The following CDH13 variants were observed in gnomAD, a reference collection of about 807,000 sequenced individuals.
CDH13 encodes cadherin 13.
In CDH13, 24 loss-of-function variants were observed where a neutral mutation model predicts 63.8. That is an observed-to-expected ratio of 0.38 (90% confidence interval 0.27 to 0.53). The LOEUF is 0.53. CDH13 is among the 20% of genes least tolerant of loss of function. CDH13 has a pLI of 0.85. For missense variants in CDH13, 1,049 were observed against 903.1 expected, an observed-to-expected ratio of 1.16 and a Z score of -2.07; for synonymous variants, 503 against 355.3, an observed-to-expected ratio of 1.42 and a Z score of -4.67.
chr16:82,750,258 A>C (rs2034354512), intron 1 of CDH13, among the ~76,000 whole-genome samples: 1 of 152,154 alleles, frequency 6.6e-6, no homozygotes, highest in African/African-American at 2.4e-5. Context: ...CTGAGTAAAT[A>C]AACAAGCCAC....
At chr16:82,789,560 C>G (rs142332017) in intron 1 of CDH13, among the ~76,000 whole-genome samples, 4 of 152,276 alleles carry the variant, frequency 2.6e-5, no homozygotes, top group African/African-American at 4.8e-5. Context: ...GAAATATTTT[C>G]AAAGGCCATT....
At chr16:82,629,902 C>G (rs112132518) in intron 1 of CDH13, among the ~76,000 whole-genome samples, 1 of 152,182 alleles carries the variant, frequency 6.6e-6, no homozygotes, top group Non-Finnish European at 1.5e-5. Context: ...TGTGATTCCC[C>G]TCCCTATTTG....
intron 2 of CDH13, among the ~76,000 whole-genome samples, chr16:83,011,238 C>T (rs1019908068): frequency 2.6e-5 from 4 of 152,148 alleles, no homozygotes; most frequent in Non-Finnish European, 5.9e-5. Flanking sequence ...CAGTTTCTCC[C>T]TCTATTAAGT....
At chr16:83,164,874 A>G (rs2037596914) in intron 4 of CDH13, among the ~76,000 whole-genome samples, 1 of 141,818 alleles carries the variant, frequency 7.1e-6, no homozygotes, top group Admixed American at 6.7e-5. Context: ...GCCCTCACAA[A>G]GTGGACATTA....
At chr16:83,367,823 A>G (rs1311558653) in intron 6 of CDH13, among the ~76,000 whole-genome samples, 1 of 152,246 alleles carries the variant, frequency 6.6e-6, no homozygotes, top group East Asian at 1.9e-4. Context: ...AGAGAAAGGC[A>G]GCTGGAATTT....
chr16:83,711,006 A>C (rs185918031), intron 10 of CDH13, among the ~76,000 whole-genome samples: 20 of 152,322 alleles, frequency 1.3e-4, no homozygotes, highest in East Asian at 9.7e-4. Context: ...GAAGCCCCGC[A>C]GGCTGCTCAG....
At chr16:83,688,702 CTT>C (rs1425438288) in intron 10 of CDH13, among the ~76,000 whole-genome samples, 2 of 151,976 alleles carry the variant, frequency 1.3e-5, no homozygotes, top group East Asian at 3.8e-4. Flanking sequence ...ACAGTGGTGT[CTT>C]TGTAATTTTT....
chr16:83,421,472 G>C (rs975142026), intron 6 of CDH13, among the ~76,000 whole-genome samples: 3 of 152,160 alleles, frequency 2.0e-5, no homozygotes, highest in African/African-American at 7.2e-5. Context: ...TCTTGTCCCT[G>C]TGTTTATTGC....
At chr16:83,038,466 A>G (rs113732458) in intron 3 of CDH13, among the ~76,000 whole-genome samples, 10 of 152,298 alleles carry the variant, frequency 6.6e-5, no homozygotes, top group African/African-American at 2.4e-4. Flanking sequence ...GCTCTGACAA[A>G]TTGTTATGGA....
chr16:83,310,616 C>T (rs536384860), intron 5 of CDH13, among the ~76,000 whole-genome samples: 15 of 152,316 alleles, frequency 9.8e-5, no homozygotes, highest in African/African-American at 3.4e-4. Flanking sequence ...ACCTTTCTGC[C>T]TTTGCTCACT....
At chr16:83,450,667 G>A (rs1462744566) in intron 6 of CDH13, among the ~76,000 whole-genome samples, 5 of 152,146 alleles carry the variant, frequency 3.3e-5, no homozygotes, top group East Asian at 3.9e-4. Context: ...TCAGGAGATC[G>A]AGGCCATCCT....
At chr16:83,752,354 T>C (rs2326023) in intron 11 of CDH13, among the ~76,000 whole-genome samples, 76,802 of 152,142 alleles carry the variant, frequency 0.5, 20,649 homozygotes, top group African/African-American at 0.71. Context: ...TGTGCGTATA[T>C]ACCGTGTCCC....
At chr16:83,748,302 C>G (rs1236901117) in intron 11 of CDH13, 52 bp downstream of exon 11, 1 of 1,510,986 alleles carries the variant, frequency 6.6e-7, no homozygotes, top group African/African-American at 1.4e-5. Flanking sequence ...TACAAATATA[C>G]TTTTACATTT....
At chr16:82,979,332 AT>A (rs1909951473) in intron 2 of CDH13, among the ~76,000 whole-genome samples, 1 of 152,158 alleles carries the variant, frequency 6.6e-6, no homozygotes, top group Non-Finnish European at 1.5e-5. Context: ...GTCTTTTGAA[AT>A]GTGAGTACAC....
chr16:82,684,993 C>T (rs990651073), intron 1 of CDH13, among the ~76,000 whole-genome samples: 1 of 150,378 alleles, frequency 6.6e-6, no homozygotes, highest in Non-Finnish European at 1.5e-5. Context: ...GAAATTTAGC[C>T]AAGGTGGGCA....
chr16:83,397,750 T>C (rs1335859805), intron 6 of CDH13, among the ~76,000 whole-genome samples: 3 of 152,236 alleles, frequency 2.0e-5, no homozygotes, highest in Admixed American at 2.0e-4. Flanking sequence ...GTCCTGTTTC[T>C]CCCAGGACTT....
rs886522796 is a variant in CDH13 at position 82,901,324 on chromosome 16, C to G, written c.157+42851C>G. 6.0e-4 allele frequency among the ~76,000 whole-genome samples: 78 copies of G among 130,472 alleles called. 1 individual carries two copies. Among genetic ancestry groups the G allele is most frequent in the Admixed American group, 4.0e-3 (52 of 12,938 alleles). 85.6% of individuals were successfully genotyped at this position (130,472 alleles called of 152,430 possible). ...TCTTAGTGGAATAGATAGTATTCTCCTGTGTGTGTGTGTGTGTGTGTGTGT... is the reference window on the plus strand; with the variant it reads ...TCTTAGTGGAATAGATAGTATTCTCGTGTGTGTGTGTGTGTGTGTGTGTGT... On this transcript the variant is annotated intron_variant, in intron 2 of 13. Transcript: ENST00000567109.
chr16:83,182,240 C>G (rs940642384), intron 4 of CDH13, among the ~76,000 whole-genome samples: 1 of 152,182 alleles, frequency 6.6e-6, no homozygotes, highest in African/African-American at 2.4e-5. Context: ...GTCTCTTTCT[C>G]CTCATCTGGA....
At chr16:82,831,273 C>T (rs898406674) in intron 1 of CDH13, among the ~76,000 whole-genome samples, 2 of 152,170 alleles carry the variant, frequency 1.3e-5, no homozygotes, top group Non-Finnish European at 2.9e-5. Flanking sequence ...TCAGAAACCC[C>T]AGGCCGAAAC....
Sources: allele counts gnomAD v4.1 joint callset (sites outside exome capture counted in the v4.1 genomes callset), GRCh38; gene constraint gnomAD v4.1.1; transcripts MANE v1.5; gene names NCBI Gene and HGNC (gene_info 2026-07-23, HGNC 2026-07-21).